Variants in PEX14 observed in about 807,000 individuals in gnomAD.
PEX14 encodes the protein peroxisomal membrane protein PEX14.
In PEX14, 15 loss-of-function variants were observed where a neutral mutation model predicts 49.5. That is an observed-to-expected ratio of 0.30 (90% CI 0.20 to 0.47). The LOEUF (loss-of-function observed/expected upper bound fraction) is 0.47. Ranked by LOEUF, PEX14 falls within the 20% of genes least tolerant of loss-of-function variation. The pLI is 1.00. For synonymous variants in PEX14, 210 were observed against 212.7 expected (o/e 0.99, Z 0.11); for missense variants, 398 against 494.8 (o/e 0.80, Z 1.86).
chr1:10,629,380 G>C lies in PEX14; in HGVS notation c.678-151G>C. On this transcript the variant is annotated intron_variant, in intron 8 of 8. Transcript: ENST00000356607. This position sits in a 1 kb window ranked among gnomAD's most constrained non-coding sequence, Gnocchi z 8.5. Reference sequence around the variant, plus strand: ...GTAGGATCTTTGCTCCTGAAAGGAGGGGTGGAAGGGCTCCATCCTGTCCCT... The same window carrying C: ...GTAGGATCTTTGCTCCTGAAAGGAGCGGTGGAAGGGCTCCATCCTGTCCCT... 1.5e-6 allele frequency: 1 copy of C among 675,272 alleles called. No individual in the cohort carries two copies. Among genetic ancestry groups the C allele is most frequent in the Admixed American group, 2.2e-5 (1 of 45,452 alleles). The allele number at this position is 675,272 out of a possible 1,614,324, so 41.8% of individuals were successfully genotyped here. A position where few individuals can be genotyped will look rare whatever the true frequency, so the allele number is the denominator to read the frequency against.
intron 2 of PEX14, among the ~76,000 whole-genome samples, chr1:10,531,228 C>T (rs374429007): frequency 9.9e-5 from 15 of 152,276 alleles, no homozygotes; most frequent in African/African-American, 2.9e-4. Flanking sequence ...CATTTTTTCA[C>T]GAGTGCTAGC....
At chr1:10,544,816 C>T (rs1464345153) in intron 3 of PEX14, among the ~76,000 whole-genome samples, 1 of 151,784 alleles carries the variant, frequency 6.6e-6, no homozygotes, top group African/African-American at 2.4e-5. Context: ...GGCTGGAGTG[C>T]AGTGGCGTGA....
At chr1:10,599,023 G>A (rs1640906407) in intron 3 of PEX14, among the ~76,000 whole-genome samples, 1 of 152,172 alleles carries the variant, frequency 6.6e-6, no homozygotes, top group Non-Finnish European at 1.5e-5. Context: ...GAAATTGAAT[G>A]AGCCACATTT....
At chr1:10,600,850 A>G (rs1640961974) in intron 4 of PEX14, among the ~76,000 whole-genome samples, 1 of 151,828 alleles carries the variant, frequency 6.6e-6, no homozygotes, top group South Asian at 2.1e-4. Context: ...ATCAGATTTT[A>G]AGGCCGGGCG....
At position 10,597,784 on chromosome 1, in the gene PEX14, C is replaced by T. The variant is rs1640870034; in HGVS notation, c.170-1454C>T. On this transcript the variant is annotated intron_variant, in intron 3 of 8. Coordinates refer to ENST00000356607, the MANE Select transcript of PEX14 (RefSeq NM_004565.3). The surrounding 1 kb of genome is among the most constrained non-coding windows in gnomAD (Gnocchi z 5.7). Reference sequence around the variant, plus strand: ...AGCTGCAGTTTTAAATGGGGATAGTCCTCAACTCCTCAGCACAGAGAAGGG... The same window carrying T: ...AGCTGCAGTTTTAAATGGGGATAGTTCTCAACTCCTCAGCACAGAGAAGGG... Among the ~76,000 whole-genome samples the T allele has an allele frequency of 6.6e-6, 1 of 152,188 alleles. No individual in the cohort carries two copies. Among genetic ancestry groups the T allele is most frequent in the Non-Finnish European group, 1.5e-5 (1 of 68,040 alleles).
rs1421089843 is a variant in PEX14, at chr1:10,628,060, C to A, written c.677+697C>A. 1.3e-5 allele frequency among the ~76,000 whole-genome samples: 2 copies of A among 152,134 alleles called. No individual in the cohort carries two copies. The highest frequency in any genetic ancestry group is 4.8e-5 in the African/African-American group (2 of 41,408). ...ACGCCATTCTCCTGCCTCAGCCTCCCGAGTAGCTGGGATTACAGGCGCCCG... is the reference window on the plus strand; with the variant it reads ...ACGCCATTCTCCTGCCTCAGCCTCCAGAGTAGCTGGGATTACAGGCGCCCG... On this transcript the variant is annotated intron_variant, in intron 8 of 8. Coordinates refer to ENST00000356607, the MANE Select transcript of PEX14 (RefSeq NM_004565.3). The surrounding 1 kb of genome is among the most constrained non-coding windows in gnomAD (Gnocchi z 4.5).
intron 2 of PEX14, among the ~76,000 whole-genome samples, chr1:10,533,153 C>T (rs993665191): frequency 8.6e-5 from 13 of 151,834 alleles, no homozygotes; most frequent in African/African-American, 3.1e-4. Context: ...TACATGTAGC[C>T]ACTTCTCAGG....
chr1:10,509,056 C>G (rs146392642), intron 2 of PEX14, among the ~76,000 whole-genome samples: 4,888 of 152,246 alleles, frequency 0.032, 121 homozygotes, highest in Non-Finnish European at 0.055. Context: ...CCTGCCTCAG[C>G]CTCCCGAGTA....
At chr1:10,546,038 C>T (rs998325564) in intron 3 of PEX14, among the ~76,000 whole-genome samples, 9 of 151,434 alleles carry the variant, frequency 5.9e-5, no homozygotes, top group African/African-American at 2.2e-4. Context: ...GAGCAAGACA[C>T]TGTCTCAAAA....
At chr1:10,620,921 C>T (rs1042006807) in intron 5 of PEX14, among the ~76,000 whole-genome samples, 101 of 152,210 alleles carry the variant, frequency 6.6e-4, no homozygotes, top group African/African-American at 2.4e-3. Context: ...GAATGTGACA[C>T]GAACGCCAGA....
chr1:10,523,659 C>T (rs753301046), intron 2 of PEX14, among the ~76,000 whole-genome samples: 1 of 151,380 alleles, frequency 6.6e-6, no homozygotes, highest in African/African-American at 2.4e-5. Flanking sequence ...TAGGAAAATT[C>T]TCTGCTGGCT....
In PEX14 at chr1:10,613,014, C is replaced by T. The variant is rs1641314980; in HGVS notation, c.299-5318C>T. Reference sequence around the variant, plus strand: ...GTTCTCTCCCTCTTGTCAGCCAGCACATCACTGGAGTGCCTGTTGTCTCGG... The same window carrying T: ...GTTCTCTCCCTCTTGTCAGCCAGCATATCACTGGAGTGCCTGTTGTCTCGG... On this transcript the variant is annotated intron_variant, in intron 4 of 8. Coordinates refer to ENST00000356607, the MANE Select transcript of PEX14 (RefSeq NM_004565.3). The surrounding 1 kb of genome is among the most constrained non-coding windows in gnomAD (Gnocchi z 5.0). 6.6e-6 allele frequency among the ~76,000 whole-genome samples: 1 copy of T among 152,256 alleles called. No homozygotes were observed. Among genetic ancestry groups the T allele is most frequent in the Admixed American group, 6.5e-5 (1 of 15,288 alleles).
chr1:10,549,186 A>C (rs1639264970), intron 3 of PEX14, among the ~76,000 whole-genome samples: 1 of 152,176 alleles, frequency 6.6e-6, no homozygotes, highest in South Asian at 2.1e-4. Context: ...CGTAAATGTC[A>C]TCTTTTCAAT....
At chr1:10,561,061 A>G (rs954112214) in intron 3 of PEX14, among the ~76,000 whole-genome samples, 1 of 152,022 alleles carries the variant, frequency 6.6e-6, no homozygotes, top group African/African-American at 2.4e-5. Context: ...ACACACACAT[A>G]TACACACACA....
At position 10,595,908 on chromosome 1, in the gene PEX14, A is replaced by G. The variant is rs941271202; in HGVS notation, c.170-3330A>G. Among the ~76,000 whole-genome samples the G allele has an allele frequency of 1.7e-3, 266 of 152,392 alleles. 2 individuals are homozygous for G. The highest frequency in any genetic ancestry group is 6.2e-3 in the African/African-American group (256 of 41,600). On this transcript the variant is annotated intron_variant, in intron 3 of 8. Transcript: ENST00000356607. ...CCTGTGCCTCAGCTTTCAGAGCCAA[A>G]TATAATTCACTTACAATTGGCAGTT...
At position 10,477,952 on chromosome 1, in the gene PEX14, G is replaced by C. The variant is rs917711651; in HGVS notation, c.36+2950G>C. ...TGACCAGGCTGGAGTGCAGTGGCGC[G>C]ATCTCGGCTTACTGCAACCTCCGCC... is the stretch of plus-strand genomic sequence containing the variant. On this transcript the variant is annotated intron_variant, in intron 1 of 8. Transcript: ENST00000356607. 5.9e-5 allele frequency among the ~76,000 whole-genome samples: 9 copies of C among 152,068 alleles called. No individual in the cohort carries two copies. In the South Asian group the frequency reaches 1.9e-3, roughly 31 times the overall value.
chr1:10,595,463 GGGTTGGGAGCTGGT>G (rs573363521), intron 3 of PEX14, among the ~76,000 whole-genome samples: 32 of 152,270 alleles, frequency 2.1e-4, no homozygotes, highest in Middle Eastern at 3.4e-3. Context: ...GGGTGGCTGG[GGGTTGGGAGCTGGT>G]GGCTCTTGAA....
intron 2 of PEX14, among the ~76,000 whole-genome samples, chr1:10,506,477 A>G (rs899856281): frequency 9.9e-5 from 15 of 152,096 alleles, no homozygotes; most frequent in Non-Finnish European, 2.1e-4. Context: ...AGGTTTCTGT[A>G]TGTTGGTCAG....
intron 1 of PEX14, among the ~76,000 whole-genome samples, chr1:10,491,073 T>C (rs1641462956): frequency 2.0e-5 from 3 of 151,724 alleles, no homozygotes; most frequent in Admixed American, 2.0e-4. Context: ...TTTGCTATGT[T>C]GGCCAGGCTG....
Sources: gnomAD v4.1 joint callset for allele counts (sites outside exome capture counted in the v4.1 genomes callset) on GRCh38, gnomAD v4.1.1 for gene constraint, Gnocchi (gnomAD v3.1) non-coding constraint, MANE v1.5 for transcripts, NCBI Gene and HGNC (gene_info 2026-07-23, HGNC 2026-07-21) for gene names.